The following ST8SIA1 variants were observed in gnomAD, a reference collection of about 807,000 sequenced individuals.
ST8SIA1 encodes ST8 alpha-N-acetyl-neuraminide alpha-2,8-sialyltransferase 1.
A neutral mutation model predicts 35.9 loss-of-function variants in ST8SIA1; 16 were observed. The ratio of observed to expected loss-of-function variants is 0.45; its 90% CI spans 0.30 to 0.68. The LOEUF is 0.68. Ranked by LOEUF, ST8SIA1 falls within the 30% of genes least tolerant of loss-of-function variation. The pLI is 0.09. For missense variants in ST8SIA1, 383 were observed against 453.6 expected, an observed-to-expected ratio of 0.84 and a Z score of 1.41; for synonymous variants, 170 against 169.6, an observed-to-expected ratio of 1.00 and a Z score of -0.02.
chr12:22,294,361 G>A (rs992297010), intron 1 of ST8SIA1, among the ~76,000 whole-genome samples: 5 of 152,044 alleles, frequency 3.3e-5, no homozygotes, highest in African/African-American at 4.8e-5. Context: ...CTAATAGGCC[G>A]AAATACACAC....
Position 22,300,689 on chromosome 12 carries a change from C to A in ST8SIA1, c.237-13396G>T, listed in dbSNP as rs370894044. Among the ~76,000 whole-genome samples the A allele has an allele frequency of 2.6e-5, 4 of 152,178 alleles. No individual in the cohort carries two copies. In the East Asian group the frequency reaches 5.8e-4, roughly 22 times the overall value. On this transcript the variant is annotated intron_variant, in intron 1 of 4. Coordinates refer to ENST00000396037, the MANE Select transcript of ST8SIA1 (RefSeq NM_003034.4). ...GAAGGTTTTTGCCTTTTGTTGAAATCCTTGAGTTATCATTTTGTTTAAGTG... is the reference window on the plus strand; with the variant it reads ...GAAGGTTTTTGCCTTTTGTTGAAATACTTGAGTTATCATTTTGTTTAAGTG...
intron 1 of ST8SIA1, among the ~76,000 whole-genome samples, chr12:22,308,831 TAC>T (rs1320329950): frequency 6.6e-6 from 1 of 152,144 alleles, no homozygotes; most frequent in Non-Finnish European, 1.5e-5. Flanking sequence ...TCTCACATCC[TAC>T]ATATCATCAA....
chr12:22,239,839 C>T (rs1051135982), intron 4 of ST8SIA1, among the ~76,000 whole-genome samples: 8 of 152,200 alleles, frequency 5.3e-5, no homozygotes, highest in Non-Finnish European at 7.3e-5. Context: ...CAATAGGCTC[C>T]TTCTCAGGAC....
intron 2 of ST8SIA1, among the ~76,000 whole-genome samples, chr12:22,277,247 T>A (rs1436057223): frequency 6.6e-6 from 1 of 152,196 alleles, no homozygotes; most frequent in East Asian, 1.9e-4. Context: ...CTTGCTCATC[T>A]GCATGGCAAG....
At chr12:22,315,224 A>C (rs554126543) in intron 1 of ST8SIA1, among the ~76,000 whole-genome samples, 2 of 152,226 alleles carry the variant, frequency 1.3e-5, no homozygotes, top group African/African-American at 4.8e-5. Flanking sequence ...AAAAAGTGCT[A>C]AACAGAGTTG....
chr12:22,325,309 A>G (rs891048575), intron 1 of ST8SIA1: 1 of 619,472 alleles, frequency 1.6e-6, no homozygotes, highest in Non-Finnish European at 2.9e-6. Context: ...CATTGTGGTC[A>G]CCTGGAAATC....
chr12:22,291,784 G>A (rs1039144702), intron 1 of ST8SIA1, among the ~76,000 whole-genome samples: 1 of 152,050 alleles, frequency 6.6e-6, no homozygotes, highest in African/African-American at 2.4e-5. Flanking sequence ...AGAAAATGCT[G>A]CAATAATAAA....
intron 4 of ST8SIA1, among the ~76,000 whole-genome samples, chr12:22,217,241 A>G (rs1171341538): frequency 6.6e-6 from 1 of 152,208 alleles, no homozygotes; most frequent in Non-Finnish European, 1.5e-5. Context: ...TCAGAAGAGC[A>G]ATTTATTTGT....
At chr12:22,232,626 A>G (rs1403902393) in intron 4 of ST8SIA1, among the ~76,000 whole-genome samples, 1 of 152,180 alleles carries the variant, frequency 6.6e-6, no homozygotes, top group Non-Finnish European at 1.5e-5. Context: ...AAGAGTCATC[A>G]GAGGATATAC....
At chr12:22,320,417 A>G (rs558562954) in intron 1 of ST8SIA1, among the ~76,000 whole-genome samples, 1 of 152,260 alleles carries the variant, frequency 6.6e-6, no homozygotes, top group South Asian at 2.1e-4. Context: ...TATACTAGGG[A>G]AGGAGCTGCC....
At chr12:22,269,352 T>C (rs1398203776) in intron 2 of ST8SIA1, among the ~76,000 whole-genome samples, 1 of 151,956 alleles carries the variant, frequency 6.6e-6, no homozygotes, top group Non-Finnish European at 1.5e-5. Flanking sequence ...CAAAATAACA[T>C]TAAGTAATAT....
At chr12:22,259,184 C>T (rs1036768005) in intron 2 of ST8SIA1, among the ~76,000 whole-genome samples, 2 of 152,152 alleles carry the variant, frequency 1.3e-5, no homozygotes, top group South Asian at 2.1e-4. Context: ...TAATTTAACA[C>T]ACTACCTTAA....
At chr12:22,307,726 T>G (rs1462030023) in intron 1 of ST8SIA1, among the ~76,000 whole-genome samples, 1 of 152,246 alleles carries the variant, frequency 6.6e-6, no homozygotes, top group East Asian at 1.9e-4. Context: ...AATATTTTGT[T>G]GATGTCTTTT....
At chr12:22,310,573 A>C (rs1025759440) in intron 1 of ST8SIA1, among the ~76,000 whole-genome samples, 1 of 152,210 alleles carries the variant, frequency 6.6e-6, no homozygotes, top group Admixed American at 6.5e-5. Flanking sequence ...GAGAAGCTGC[A>C]TCTATGCTTT....
At chr12:22,212,006 C>T (rs888821935) in intron 4 of ST8SIA1, among the ~76,000 whole-genome samples, 51 of 152,134 alleles carry the variant, frequency 3.4e-4, no homozygotes, top group African/African-American at 1.2e-3. Flanking sequence ...CCACTGCACC[C>T]GGCCCTAACT....
At chr12:22,325,271 G>C (rs1054525757) in intron 1 of ST8SIA1, 1 of 570,826 alleles carries the variant, frequency 1.8e-6, no homozygotes. Context: ...TCCCAGGCAA[G>C]ATGTAGTGGG....
chr12:22,300,234 G>C (rs2135824407), intron 1 of ST8SIA1, among the ~76,000 whole-genome samples: 1 of 152,180 alleles, frequency 6.6e-6, no homozygotes, highest in African/African-American at 2.4e-5. Context: ...CTCATCTCCA[G>C]GCCCACTATA....
chr12:22,293,932 A>C (rs1866211722), intron 1 of ST8SIA1, among the ~76,000 whole-genome samples: 1 of 152,190 alleles, frequency 6.6e-6, no homozygotes, highest in Non-Finnish European at 1.5e-5. Context: ...TATTCTAAAA[A>C]CTAAGCGGCA....
At chr12:22,290,800 G>A (rs1324848207) in intron 1 of ST8SIA1, among the ~76,000 whole-genome samples, 2 of 152,138 alleles carry the variant, frequency 1.3e-5, no homozygotes, top group East Asian at 1.9e-4. Flanking sequence ...AATTTTTAGC[G>A]AATTTGGCTC....
Sources: gnomAD v4.1 joint callset for allele counts (sites outside exome capture counted in the v4.1 genomes callset) on GRCh38, gnomAD v4.1.1 for gene constraint, MANE v1.5 for transcripts, NCBI Gene and HGNC (gene_info 2026-07-23, HGNC 2026-07-21) for gene names.